The following CCDC9B variants were observed in gnomAD, a reference collection of about 807,000 sequenced individuals.
CCDC9B encodes the protein coiled-coil domain-containing protein 9B.
Under a neutral mutation model 47.2 loss-of-function variants are expected in CCDC9B, and 40 were observed. The ratio of observed to expected loss-of-function variants is 0.85; its 90% CI spans 0.66 to 1.10. CCDC9B has a LOEUF of 1.10. Among genes scored for constraint, CCDC9B ranks in the 50% least tolerant of loss-of-function variants. The pLI, the probability that CCDC9B is intolerant of heterozygous loss-of-function variation, is 0.00. For missense variants in CCDC9B, 662 were observed against 651.0 expected (o/e 1.02, Z -0.18); for synonymous variants, 238 against 250.7 (o/e 0.95, Z 0.48).
In CCDC9B at chr15:40,339,582, C is replaced by A; in HGVS notation, c.161G>T (p.Gly54Val). ...QEDRRQAEQG[G>V]MAVTTPALLQ... is the part of the protein sequence containing the mutation. The stretch of plus-strand genomic sequence containing the variant: ...GAGTGCTGGTGTGGTCACAGCCATC[C>A]CCCCCTGCTCTGCCTGCCGACGGTC... The change falls in exon 3 of 11, where the codon GGG (glycine) becomes GTG (valine). Residue 54 changes from glycine (G) to valine (V), a missense_variant. Gly to Val is a moderately radical substitution (Grantham distance 109). Transcript: ENST00000397536. The A allele has an allele frequency of 6.2e-7, 1 of 1,613,650 alleles. No homozygotes were observed. The highest frequency in any genetic ancestry group is 8.5e-7 in the Non-Finnish European group (1 of 1,179,860).
rs1258500481 is a variant in CCDC9B at position 40,332,742 on chromosome 15, T to C, written c.*2416A>G. On this transcript the variant is annotated 3_prime_UTR_variant, in exon 11 of 11. Coordinates refer to ENST00000397536, the MANE Select transcript of CCDC9B (RefSeq NM_207380.3). ...CATTTTTGGAGACATCTGCCTGATG[T>C]CTCCAAAATCTAAGGGCTTTGCCTG... is the stretch of plus-strand genomic sequence containing the variant. The C allele has an allele frequency of 6.6e-6, 1 of 151,768 alleles. No individual in the cohort carries two copies. Among genetic ancestry groups the C allele is most frequent in the Admixed American group, 6.6e-5 (1 of 15,222 alleles). 9.4% of individuals were successfully genotyped at this position (151,768 alleles called of 1,614,324 possible).
intron 9 of CCDC9B, 97 bp from the exon 10 acceptor site, chr15:40,335,923 T>G: frequency 1.3e-6 from 2 of 1,541,140 alleles, no homozygotes; most frequent in South Asian, 2.4e-5. Context: ...TGAGAGCCAG[T>G]GAGGAAGGCT....
Position 40,331,527 on chromosome 15 carries a change from CAG to C in CCDC9B, c.*3629_*3630del, listed in dbSNP as rs59463930. The C allele has an allele frequency of 0.21, 31,278 of 152,048 alleles. 3,750 individuals carry two copies. Among genetic ancestry groups the C allele is most frequent in the Non-Finnish European group, 0.27 (18,008 of 67,906 alleles). 9.4% of individuals were successfully genotyped at this position (152,048 alleles called of 1,614,324 possible). ...TCTGTGTGCCACGCTACTGTTAAGACAGAGTCCAACTCCAACTGCGGGCAGGT... is the reference window on the plus strand; with the variant it reads ...TCTGTGTGCCACGCTACTGTTAAGACAGTCCAACTCCAACTGCGGGCAGGT... On this transcript the variant is annotated 3_prime_UTR_variant, in exon 11 of 11. Transcript: ENST00000397536.
Position 40,339,566 on chromosome 15 carries a change from T to C in CCDC9B, c.177A>G (p.Thr59=), listed in dbSNP as rs1595714617. 7 of 1,612,628 alleles carry C rather than the reference T, an allele frequency of 4.3e-6. No individual in the cohort carries two copies. In the East Asian group the frequency reaches 1.6e-4, roughly 36 times the overall value. Residue 59 remains threonine (T), a synonymous_variant, in exon 3 of 11, where the codon ACA becomes ACG. Transcript: ENST00000397536. ...GGCCATCAGGCTGGAGGAGTGCTGG[T>C]GTGGTCACAGCCATCCCCCCCTGCT... ...QAEQGGMAVT[T]PALLQPDGLT...
Position 40,340,892 on chromosome 15 carries a change from C to G in CCDC9B, c.-73G>C, listed in dbSNP as rs779216732. 2.5e-6 allele frequency: 4 copies of G among 1,607,938 alleles called. No homozygotes were observed. In the South Asian group the frequency reaches 4.4e-5, roughly 18 times the overall value. Reference sequence around the variant, plus strand: ...AGAGTGGGAGGAAAGCTGGAGCCACCGGAGCCGGGCCTCTGCCGGCCTCTC... The same window carrying G: ...AGAGTGGGAGGAAAGCTGGAGCCACGGGAGCCGGGCCTCTGCCGGCCTCTC... On this transcript the variant is annotated 5_prime_UTR_variant, in exon 1 of 11. Coordinates refer to ENST00000397536, the MANE Select transcript of CCDC9B (RefSeq NM_207380.3).
chr15:40,332,861 G>A lies in CCDC9B; in HGVS notation c.*2297C>T, dbSNP rs1888884802. 1 of 152,194 alleles carries A rather than the reference G, an allele frequency of 6.6e-6. No individual in the cohort carries two copies. The highest frequency in any genetic ancestry group is 2.4e-5 in the African/African-American group (1 of 41,438). The allele number at this position is 152,194 out of a possible 1,614,324, so 9.4% of individuals were successfully genotyped here. On this transcript the variant is annotated 3_prime_UTR_variant, in exon 11 of 11. Transcript: ENST00000397536. Reference sequence around the variant, plus strand: ...CCATGTTCTTGTGACTAGAAGGCAAGAGAAAAACTTGAGCTTGGAGTCTTT... The same window carrying A: ...CCATGTTCTTGTGACTAGAAGGCAAAAGAAAAACTTGAGCTTGGAGTCTTT...
rs1888975539 is a variant in CCDC9B at position 40,336,968 on chromosome 15, G to A, written c.743-155C>T. 4.5e-6 allele frequency: 3 copies of A among 667,986 alleles called. No homozygotes were observed. In the Admixed American group the frequency reaches 8.9e-5, roughly 20 times the overall value. The allele number at this position is 667,986 out of a possible 1,614,324, so 41.4% of individuals were successfully genotyped here. On this transcript the variant is annotated intron_variant, in intron 7 of 10. Transcript: ENST00000397536. ...CCTCGCCTGGGGGTCAGGAGAATAG[G>A]GTCCTGTGCTAGCTTTGCCACTCCA...
In CCDC9B at chr15:40,339,540, AGG is replaced by A. The variant is rs759526155; in HGVS notation, c.201_202del (p.Leu68HisfsTer10). On this transcript the variant is annotated frameshift_variant, in exon 3 of 11. Transcript: ENST00000397536. LOFTEE classifies it high-confidence loss of function. ...GGGAACCTGGCTGATGGTAACGGTG[AGG>A]CCATCAGGCTGGAGGAGTGCTGGTG... 461 of 1,613,532 alleles carry A rather than the reference AGG, an allele frequency of 2.9e-4. 1 individual carries two copies. The highest frequency in any genetic ancestry group is 3.7e-4 in the Non-Finnish European group (442 of 1,179,772).
At chr15:40,336,496 G>A in intron 9 of CCDC9B, 78 bp downstream of exon 9, 1 of 1,525,854 alleles carries the variant, frequency 6.6e-7, no homozygotes, top group South Asian at 1.2e-5. Flanking sequence ...GGATGGAGCT[G>A]GCACCTGGGC....
In CCDC9B at chr15:40,334,131, G is replaced by A. The variant is rs1376566049; in HGVS notation, c.*1027C>T. 6.5e-6 allele frequency: 1 copy of A among 152,752 alleles called. No individual in the cohort carries two copies. The highest frequency in any genetic ancestry group is 1.5e-5 in the Non-Finnish European group (1 of 68,112). The allele number at this position is 152,752 out of a possible 1,614,324, so 9.5% of individuals were successfully genotyped here. On this transcript the variant is annotated 3_prime_UTR_variant, in exon 11 of 11. Coordinates refer to ENST00000397536, the MANE Select transcript of CCDC9B (RefSeq NM_207380.3). ...TCCGTCGCCTACCGGCTGGATTACT[G>A]GTAGTGGGTGCTCAGGAAATGTTTG...
intron 6 of CCDC9B, 22 bp downstream of exon 6, chr15:40,337,702 C>T (rs1338031818): frequency 6.4e-7 from 1 of 1,571,944 alleles, no homozygotes; most frequent in South Asian, 1.2e-5. Flanking sequence ...CCACAGGCAA[C>T]CTGCCCAACC....
chr15:40,337,814 C>A lies in CCDC9B; in HGVS notation c.593G>T (p.Arg198Leu), dbSNP rs572942415. The change falls in exon 6 of 11, where the codon CGG becomes CTG. Residue 198 changes from arginine (R) to leucine (L), a missense_variant. Physicochemically the swap from Arg to Leu is moderately radical, Grantham distance 102. Coordinates refer to ENST00000397536, the MANE Select transcript of CCDC9B (RefSeq NM_207380.3). The part of the protein sequence containing the change: ...GWDYAQWKQE[R>L]EQIDLARLAR... ...GAGGCGGGCTAGGTCGATCTGCTCC[C>A]GCTCCTGCTTCCACTGGGCATAGTC... is the stretch of plus-strand genomic sequence containing the variant. The A allele has an allele frequency of 3.0e-5, 48 of 1,610,518 alleles. No homozygotes were observed. Among genetic ancestry groups the A allele is most frequent in the Non-Finnish European group, 3.8e-5 (45 of 1,179,844 alleles).
chr15:40,339,703 C>A, intron 2 of CCDC9B, 84 bp from the exon 3 acceptor site: 1 of 1,581,146 alleles, frequency 6.3e-7, no homozygotes, highest in Non-Finnish European at 8.6e-7. Flanking sequence ...CACAGAGAGA[C>A]ACCAGTGGGA....
intron 2 of CCDC9B, 139 bp from the exon 3 acceptor site, chr15:40,339,758 A>AC: frequency 1.4e-6 from 2 of 1,461,536 alleles, no homozygotes; most frequent in Non-Finnish European, 1.8e-6. Context: ...CAGGACCCTC[A>AC]CCAAGCCTCT....
chr15:40,338,942 G>A lies in CCDC9B; in HGVS notation c.232-39C>T, dbSNP rs775936522. On this transcript the variant is annotated intron_variant, in intron 3 of 10. Coordinates refer to ENST00000397536, the MANE Select transcript of CCDC9B (RefSeq NM_207380.3). Reference sequence around the variant, plus strand: ...ACCCTCAGGCCACATGGGCAGTGCTGGGCAGGACCTGGGTGCTGGGTCCTC... The same window carrying A: ...ACCCTCAGGCCACATGGGCAGTGCTAGGCAGGACCTGGGTGCTGGGTCCTC... 20 of 1,613,308 alleles carry A rather than the reference G, an allele frequency of 1.2e-5. No individual in the cohort carries two copies. In the South Asian group the frequency reaches 2.1e-4, roughly 17 times the overall value.
rs193099892 is a variant in CCDC9B, at chr15:40,335,089, C to A, written c.*69G>T. 3 of 1,368,096 alleles carry A rather than the reference C, an allele frequency of 2.2e-6. No individual in the cohort carries two copies. The highest frequency in any genetic ancestry group is 2.9e-6 in the Non-Finnish European group (3 of 1,026,994). The allele number at this position is 1,368,096 out of a possible 1,614,324, so 84.7% of individuals were successfully genotyped here. A position where few individuals can be genotyped will look rare whatever the true frequency, so the allele number is the denominator to read the frequency against. ...CACCGGCAACCACATGGCCATCACG[C>A]GGAGGGCCTTTAACAGAGTGATTCC... On this transcript the variant is annotated 3_prime_UTR_variant, in exon 11 of 11. Transcript: ENST00000397536.
intron 2 of CCDC9B, 93 bp from the exon 3 acceptor site, chr15:40,339,712 G>T: frequency 6.4e-7 from 1 of 1,567,712 alleles, no homozygotes; most frequent in Non-Finnish European, 8.6e-7. Context: ...ACACCAGTGG[G>T]ACACCAGGGG....
In CCDC9B at chr15:40,340,229, C is replaced by A. The variant is rs1245700467; in HGVS notation, c.13-214G>T. 5.2e-6 allele frequency: 3 copies of A among 579,612 alleles called. No individual in the cohort carries two copies. In the African/African-American group the frequency reaches 5.6e-5, roughly 11 times the overall value. 35.9% of individuals were successfully genotyped at this position (579,612 alleles called of 1,614,324 possible). A position where few individuals can be genotyped will look rare whatever the true frequency, so the allele number is the denominator to read the frequency against. On this transcript the variant is annotated intron_variant, in intron 1 of 10. Transcript: ENST00000397536. Reference sequence around the variant, plus strand: ...CCTGTCCCTGCCTCCTCAGGGGGCTCAGGTCAGGGCCTCATACCCCAAGCC... The same window carrying A: ...CCTGTCCCTGCCTCCTCAGGGGGCTAAGGTCAGGGCCTCATACCCCAAGCC...
intron 3 of CCDC9B, 147 bp from the exon 4 acceptor site, chr15:40,339,050 A>C: frequency 1.1e-6 from 1 of 895,004 alleles, no homozygotes. Context: ...GGGTGTTCAC[A>C]TGCCAATGGC....
Sources: gnomAD v4.1 joint callset for allele counts on GRCh38, gnomAD v4.1.1 for gene constraint, MANE v1.5 for transcripts, NCBI Gene and HGNC (gene_info 2026-07-23, HGNC 2026-07-21) for gene names.